CEP112: variants seen among roughly 807,000 people sequenced by gnomAD.
CEP112 encodes centrosomal protein of 112 kDa.
Under a neutral mutation model 153.0 loss-of-function variants are expected in CEP112, and 127 were observed. The observed-to-expected ratio is 0.83, with a 90% CI of 0.72 to 0.96. The LOEUF is 0.96. Among genes scored for constraint, CEP112 ranks in the 40% least tolerant of loss-of-function variants. CEP112 has a pLI of 0.00. For synonymous variants in CEP112, 358 were observed against 374.4 expected (o/e 0.96, Z 0.51); for missense variants, 1,089 against 1,101.2 (o/e 0.99, Z 0.16).
chr17:65,901,416 G>A (rs761996605), intron 20 of CEP112, among the ~76,000 whole-genome samples: 6 of 152,106 alleles, frequency 3.9e-5, no homozygotes, highest in Non-Finnish European at 5.9e-5. Flanking sequence ...ATACTCTACA[G>A]AATGTATTGT....
chr17:65,838,351 G>C (rs376638167), intron 21 of CEP112, among the ~76,000 whole-genome samples: 49 of 151,970 alleles, frequency 3.2e-4, no homozygotes, highest in Middle Eastern at 3.4e-3. Context: ...CAGAAGGAAT[G>C]TTGGAAACTG....
At chr17:65,862,444 C>A (rs983231009) in intron 20 of CEP112, among the ~76,000 whole-genome samples, 6 of 151,956 alleles carry the variant, frequency 3.9e-5, no homozygotes, top group Admixed American at 3.3e-4. Flanking sequence ...AAAAATTAGC[C>A]GGGCGTGGTG....
intron 20 of CEP112, among the ~76,000 whole-genome samples, chr17:65,886,937 T>TGG (rs1474187864): frequency 6.6e-6 from 1 of 152,142 alleles, no homozygotes; most frequent in Non-Finnish European, 1.5e-5. Flanking sequence ...TGCAAAATGC[T>TGG]GGGGGACACT....
chr17:66,130,614 A>G (rs1293087764), intron 5 of CEP112, among the ~76,000 whole-genome samples: 1 of 151,982 alleles, frequency 6.6e-6, no homozygotes, highest in Non-Finnish European at 1.5e-5. Flanking sequence ...TCTCTACTAA[A>G]AATACAAAAA....
At chr17:65,999,544 G>T (rs1205516723) in intron 17 of CEP112, among the ~76,000 whole-genome samples, 2 of 148,354 alleles carry the variant, frequency 1.3e-5, no homozygotes, top group Non-Finnish European at 3.0e-5. Flanking sequence ...CATTATTTGA[G>T]TGATATAATC....
chr17:65,664,829 T>C (rs2046609232), intron 24 of CEP112, among the ~76,000 whole-genome samples: 1 of 152,144 alleles, frequency 6.6e-6, no homozygotes, highest in Non-Finnish European at 1.5e-5. Context: ...ACACTGTGGA[T>C]TGGGTGGCTT....
intron 24 of CEP112, among the ~76,000 whole-genome samples, chr17:65,645,451 T>C (rs2045381309): frequency 6.6e-6 from 1 of 152,200 alleles, no homozygotes; most frequent in African/African-American, 2.4e-5. Context: ...TTTCCTTGGA[T>C]GGTTTTAGTT....
Position 66,013,437 on chromosome 17 carries a change from G to A in CEP112, c.1657-7668C>T, listed in dbSNP as rs537298867. 1.1e-4 allele frequency among the ~76,000 whole-genome samples: 17 copies of A among 152,178 alleles called. No individual in the cohort carries two copies. The South Asian group carries it at 3.5e-3, about 32-fold the overall frequency. ...CTTTTATCTCCATTGATGTCCTTGG[G>A]GGTTTGTGGCATAAGGTGGGGTCCA... is the stretch of plus-strand genomic sequence containing the variant. On this transcript the variant is annotated intron_variant, in intron 16 of 26. Coordinates refer to ENST00000535342, the MANE Select transcript of CEP112 (RefSeq NM_001199165.4).
chr17:65,831,255 T>C (rs367747058), intron 21 of CEP112, among the ~76,000 whole-genome samples: 1 of 152,154 alleles, frequency 6.6e-6, no homozygotes, highest in East Asian at 1.9e-4. Flanking sequence ...AATAATACTT[T>C]CAAAGAATTT....
At chr17:65,646,158 T>G (rs142898167) in intron 24 of CEP112, among the ~76,000 whole-genome samples, 100 of 152,334 alleles carry the variant, frequency 6.6e-4, no homozygotes, top group African/African-American at 2.3e-3. Context: ...TGGGTGTGAC[T>G]AAGGTTGCTC....
chr17:65,855,364 C>T (rs1368337514), intron 20 of CEP112, among the ~76,000 whole-genome samples: 4 of 152,168 alleles, frequency 2.6e-5, no homozygotes, highest in Admixed American at 6.5e-5. Context: ...AGAAAACAGG[C>T]ACAGACTTCT....
intron 6 of CEP112, among the ~76,000 whole-genome samples, chr17:66,121,788 T>C (rs991461002): frequency 2.8e-4 from 43 of 151,996 alleles, no homozygotes; most frequent in Admixed American, 1.6e-3. Context: ...GCTGGAACTA[T>C]AGGTGCATGC....
At chr17:66,117,491 T>A (rs550342203) in intron 6 of CEP112, among the ~76,000 whole-genome samples, 7 of 152,324 alleles carry the variant, frequency 4.6e-5, no homozygotes, top group Non-Finnish European at 8.8e-5. Flanking sequence ...TTGAATTTTT[T>A]AAATTTAAAT....
chr17:65,982,960 C>T (rs575498773), intron 17 of CEP112, among the ~76,000 whole-genome samples: 2 of 152,112 alleles, frequency 1.3e-5, no homozygotes, highest in African/African-American at 2.4e-5. Flanking sequence ...TAGCTCCGGA[C>T]ACAAAAGGTC....
intron 21 of CEP112, among the ~76,000 whole-genome samples, chr17:65,779,188 T>G (rs924391205): frequency 7.9e-5 from 12 of 152,106 alleles, no homozygotes; most frequent in Admixed American, 5.9e-4. Context: ...TCCCCAAACA[T>G]TGTACTAAAC....
chr17:65,787,681 AT>A (rs1476752760), intron 21 of CEP112, among the ~76,000 whole-genome samples: 4 of 152,288 alleles, frequency 2.6e-5, no homozygotes, highest in African/African-American at 9.6e-5. Flanking sequence ...CTATTCTTAG[AT>A]TCATTCCTAT....
intron 24 of CEP112, among the ~76,000 whole-genome samples, chr17:65,676,751 C>T (rs1017326949): frequency 2.6e-5 from 4 of 152,214 alleles, no homozygotes; most frequent in Non-Finnish European, 5.9e-5. Context: ...GATATACCAT[C>T]TCATTTACCT....
Position 65,912,286 on chromosome 17 carries a change from C to T in CEP112, c.1981-9952G>A, listed in dbSNP as rs190964768. Among the ~76,000 whole-genome samples the T allele has an allele frequency of 5.9e-5, 9 of 152,272 alleles. No individual in the cohort carries two copies. The East Asian group carries it at 1.7e-3, about 29-fold the overall frequency. On this transcript the variant is annotated intron_variant, in intron 19 of 26. Coordinates refer to ENST00000535342, the MANE Select transcript of CEP112 (RefSeq NM_001199165.4). ...TAGCCTTACTATCCAGTAGAGTAAT[C>T]GTGTCTACCTTCCATCTATCCAAGT...
chr17:65,998,736 C>T (rs562017964), intron 17 of CEP112, among the ~76,000 whole-genome samples: 1 of 152,066 alleles, frequency 6.6e-6, no homozygotes, highest in Admixed American at 6.5e-5. Context: ...CTCTTCTAAG[C>T]CTCTCAATAA....
Sources: allele counts gnomAD v4.1 joint callset (sites outside exome capture counted in the v4.1 genomes callset), GRCh38; gene constraint gnomAD v4.1.1; transcripts MANE v1.5; gene names NCBI Gene and HGNC (gene_info 2026-07-23, HGNC 2026-07-21).